The following PLAAT5 variants were observed in gnomAD, a reference collection of about 807,000 sequenced individuals.
The protein encoded by PLAAT5 is Ca(2+)-independent N-acyltransferase.
In PLAAT5, 27 loss-of-function variants were observed where a neutral mutation model predicts 27.8. That is an observed-to-expected ratio of 0.97 (90% confidence interval 0.72 to 1.34). The LOEUF (loss-of-function observed/expected upper bound fraction) is 1.34, where lower values mean the gene tolerates loss of function less well. PLAAT5 is among the 40% of genes most tolerant of loss of function. The pLI is 0.00. For missense variants in PLAAT5, 368 were observed against 343.8 expected, an observed-to-expected ratio of 1.07 and a Z score of -0.56; for synonymous variants, 125 against 136.1, an observed-to-expected ratio of 0.92 and a Z score of 0.57.
At chr11:63,488,997 A>G (rs774996102) in intron 2 of PLAAT5, 21 bp from the exon 3 acceptor site, 3 of 1,465,242 alleles carry the variant, frequency 2.0e-6, no homozygotes, top group Non-Finnish European at 2.9e-6. Flanking sequence ...TTGCAATCAC[A>G]AAGTTAACAA....
intron 4 of PLAAT5, 76 bp downstream of exon 4, chr11:63,468,281 A>G: frequency 9.3e-7 from 1 of 1,071,792 alleles, no homozygotes; most frequent in East Asian, 2.4e-5. Context: ...GTAACTGAGG[A>G]ACACAGTAAT....
At chr11:63,464,945 A>G (rs147986402) in intron 5 of PLAAT5, among the ~76,000 whole-genome samples, 4 of 152,240 alleles carry the variant, frequency 2.6e-5, no homozygotes, top group African/African-American at 9.6e-5. Context: ...GTCAGCAAGT[A>G]GGAATGCCAG....
intron 3 of PLAAT5, among the ~76,000 whole-genome samples, chr11:63,471,882 C>T (rs1375120514): frequency 1.3e-5 from 2 of 152,076 alleles, no homozygotes; most frequent in African/African-American, 4.8e-5. Flanking sequence ...GAGATCATGT[C>T]CTTTGCAGGG....
In PLAAT5 at chr11:63,468,378, C is replaced by A. The variant is rs746797342; in HGVS notation, c.433G>T (p.Val145Leu). 6.8e-6 allele frequency: 11 copies of A among 1,613,556 alleles called. No individual in the cohort carries two copies. The highest frequency in any genetic ancestry group is 9.3e-6 in the Non-Finnish European group (11 of 1,179,488). Residue 145 changes from valine (V) to leucine (L), a missense_variant, in exon 4 of 6, where the codon GTG becomes TTG. Val to Leu is a conservative substitution (Grantham distance 32, BLOSUM62 1). Coordinates refer to ENST00000540857, the MANE Select transcript of PLAAT5 (RefSeq NM_001146729.2). ...TTACTTGGGGGAGCCAGATGGACCA[C>A]GCAATCATCTTCTACATAGATGGCC... ...HWAIYVEDDC[V>L]VHLAPPSEEF...
intron 3 of PLAAT5, 40 bp downstream of exon 3, chr11:63,488,831 G>C: frequency 7.2e-7 from 1 of 1,381,608 alleles, no homozygotes; most frequent in Non-Finnish European, 1.0e-6. Context: ...GTTGCCAGGA[G>C]GTTAAAGATA....
In PLAAT5 at chr11:63,468,364, A is replaced by AG; in HGVS notation, c.446dup (p.Pro150SerfsTer4). On this transcript the variant is annotated frameshift_variant, in exon 4 of 6. Transcript: ENST00000540857. LOFTEE classifies it high-confidence loss of function. ...TAGACTATTCACTCTTACTTGGGGG[A>AG]GCCAGATGGACCACGCAATCATCTT... 9 of 1,610,844 alleles carry AG rather than the reference A, an allele frequency of 5.6e-6. No homozygotes were observed. Among genetic ancestry groups the AG allele is most frequent in the Non-Finnish European group, 7.6e-6 (9 of 1,177,098 alleles).
At chr11:63,482,580 A>G (rs2120313325) in intron 3 of PLAAT5, among the ~76,000 whole-genome samples, 1 of 152,312 alleles carries the variant, frequency 6.6e-6, no homozygotes, top group Non-Finnish European at 1.5e-5. Context: ...AATTCACCAC[A>G]ACTAAGCCAG....
intron 3 of PLAAT5, among the ~76,000 whole-genome samples, chr11:63,482,190 C>T (rs1355454330): frequency 6.6e-6 from 1 of 152,204 alleles, no homozygotes; most frequent in Admixed American, 6.5e-5. Context: ...TTGGAAAACA[C>T]ATTTGAGGGA....
chr11:63,468,341 G>C lies in PLAAT5; in HGVS notation c.454+16C>G, dbSNP rs2015918407. The stretch of plus-strand genomic sequence containing the variant: ...TAACTTCAATATCAGTATTTCAATA[G>C]ACTATTCACTCTTACTTGGGGGAGC... On this transcript the variant is annotated intron_variant, in intron 4 of 5. Transcript: ENST00000540857. The C allele has an allele frequency of 3.2e-6, 5 of 1,547,956 alleles. No individual in the cohort carries two copies. The highest frequency in any genetic ancestry group is 4.5e-6 in the Non-Finnish European group (5 of 1,120,190).
At chr11:63,483,663 A>T (rs2016339280) in intron 3 of PLAAT5, among the ~76,000 whole-genome samples, 1 of 148,162 alleles carries the variant, frequency 6.7e-6, no homozygotes, top group Admixed American at 6.7e-5. Context: ...AAAAAAAAAA[A>T]AAAAATCTAA....
At position 63,490,282 on chromosome 11, in the gene PLAAT5, G is replaced by C. The variant is rs762476077; in HGVS notation, c.200C>G (p.Pro67Arg). The C allele has an allele frequency of 1.2e-6, 2 of 1,614,196 alleles. No individual in the cohort carries two copies. The highest frequency in any genetic ancestry group is 4.5e-5 in the East Asian group (2 of 44,892). ...ALVQLPAKQP[P>R]PGTLEQGRSI... The stretch of plus-strand genomic sequence containing the variant: ...TCTGCCCTGTTCTAATGTGCCCGGC[G>C]GAGGCTGCTTGGCTGGGAGCTGGAC... The change falls in exon 2 of 6, where the codon CCG becomes CGG. Residue 67 changes from proline (P) to arginine (R), a missense_variant. Physicochemically the swap from Pro to Arg is moderately radical, Grantham distance 103. Transcript: ENST00000540857.
In PLAAT5 at chr11:63,463,039, C is replaced by T. The variant is rs139919595; in HGVS notation, c.*464G>A. The T allele has an allele frequency of 4.0e-4, 62 of 155,550 alleles. No individual in the cohort carries two copies. Among genetic ancestry groups the T allele is most frequent in the Non-Finnish European group, 7.1e-4 (50 of 70,060 alleles). 9.6% of individuals were successfully genotyped at this position (155,550 alleles called of 1,614,324 possible). On this transcript the variant is annotated 3_prime_UTR_variant, in exon 6 of 6. Transcript: ENST00000540857. Reference sequence around the variant, plus strand: ...TCCTCCTCTGAGCTACACTGTGGGTCGAAAAGGGCAGGATTATCATAAATG... The same window carrying T: ...TCCTCCTCTGAGCTACACTGTGGGTTGAAAAGGGCAGGATTATCATAAATG...
At chr11:63,464,398 C>G (rs926439890) in intron 5 of PLAAT5, among the ~76,000 whole-genome samples, 8 of 152,194 alleles carry the variant, frequency 5.3e-5, no homozygotes, top group African/African-American at 1.7e-4. Flanking sequence ...TGGCTCACGC[C>G]TGTAATCCCA....
intron 3 of PLAAT5, among the ~76,000 whole-genome samples, chr11:63,476,932 T>C (rs1007505912): frequency 3.1e-4 from 47 of 152,164 alleles, no homozygotes; most frequent in African/African-American, 1.1e-3. Context: ...TTGAGTTTGC[T>C]GATTCTTTTT....
At chr11:63,482,237 C>G (rs1270262558) in intron 3 of PLAAT5, among the ~76,000 whole-genome samples, 1 of 152,066 alleles carries the variant, frequency 6.6e-6, no homozygotes, top group African/African-American at 2.4e-5. Flanking sequence ...TACCACAGAT[C>G]TAGACATCAA....
chr11:63,483,072 T>C (rs1389651227), intron 3 of PLAAT5, among the ~76,000 whole-genome samples: 2 of 152,156 alleles, frequency 1.3e-5, no homozygotes, highest in Non-Finnish European at 2.9e-5. Context: ...CCTAAATATA[T>C]ATGCACATAA....
At chr11:63,468,536 G>T (rs774264894) in intron 3 of PLAAT5, 71 bp from the exon 4 acceptor site, 32 of 1,136,732 alleles carry the variant, frequency 2.8e-5, no homozygotes, top group Non-Finnish European at 3.9e-5. Flanking sequence ...TAGGATCAGG[G>T]ACAGCTCAGC....
At chr11:63,465,432 A>G (rs2015835102) in intron 5 of PLAAT5, among the ~76,000 whole-genome samples, 1 of 150,890 alleles carries the variant, frequency 6.6e-6, no homozygotes, top group South Asian at 2.1e-4. Flanking sequence ...TGTGGCCCAC[A>G]AAGTACTAGG....
In PLAAT5 at chr11:63,491,143, T is replaced by G. The variant is rs567445504; in HGVS notation, c.-109A>C. ...GGCGGAGCCGCGGAAGCTTGGGCAC[T>G]GGGGGCGGCTCGGGGAGGAACCGCG... On this transcript the variant is annotated 5_prime_UTR_variant, in exon 1 of 6. Transcript: ENST00000540857. 88 of 1,000,984 alleles carry G rather than the reference T, an allele frequency of 8.8e-5. 2 individuals are homozygous for G. In the South Asian group the frequency reaches 2.0e-3, roughly 22 times the overall value. 62.0% of individuals were successfully genotyped at this position (1,000,984 alleles called of 1,614,324 possible).
Sources: gnomAD v4.1 joint callset for allele counts (sites outside exome capture counted in the v4.1 genomes callset) on GRCh38, gnomAD v4.1.1 for gene constraint, MANE v1.5 for transcripts, NCBI Gene and HGNC (gene_info 2026-07-23, HGNC 2026-07-21) for gene names.